Variants in B4GALT5 observed in about 807,000 individuals in gnomAD.
B4GALT5 encodes UDP-Gal:beta-GlcNAc beta-1,4-galactosyltransferase 5.
A neutral mutation model predicts 45.0 loss-of-function variants in B4GALT5; 11 were observed. The ratio of observed to expected loss-of-function variants is 0.24; its 90% CI spans 0.15 to 0.40. The LOEUF is 0.40. Ranked by LOEUF, B4GALT5 falls within the 10% of genes least tolerant of loss-of-function variation. B4GALT5 has a pLI of 1.00. For missense variants in B4GALT5, 337 were observed against 500.2 expected (o/e 0.67, Z 3.11); for synonymous variants, 185 against 182.9 (o/e 1.01, Z -0.09).
intron 1 of B4GALT5, among the ~76,000 whole-genome samples, chr20:49,700,075 T>C (rs928961790): frequency 2.0e-5 from 3 of 152,162 alleles, no homozygotes; most frequent in African/African-American, 4.8e-5. Context: ...TTGCCTCCTA[T>C]CTACCACGCC....
intron 1 of B4GALT5, among the ~76,000 whole-genome samples, chr20:49,658,532 G>A (rs933146550): frequency 1.3e-5 from 2 of 152,136 alleles, no homozygotes; most frequent in African/African-American, 4.8e-5. Flanking sequence ...AAAATCTTGT[G>A]TAAAGCTTAT....
intron 3 of B4GALT5, among the ~76,000 whole-genome samples, chr20:49,644,099 G>C (rs2085589033): frequency 6.6e-6 from 1 of 151,782 alleles, no homozygotes; most frequent in Admixed American, 6.6e-5. Flanking sequence ...AGCTAATTTT[G>C]TATTTTTAGT....
At chr20:49,705,032 C>G (rs766302645) in intron 1 of B4GALT5, among the ~76,000 whole-genome samples, 23 of 152,036 alleles carry the variant, frequency 1.5e-4, no homozygotes, top group Non-Finnish European at 2.4e-4. Context: ...GAAGGGGCAG[C>G]ACTCTAAATT....
intron 2 of B4GALT5, among the ~76,000 whole-genome samples, chr20:49,650,230 ACT>A (rs1458664180): frequency 2.0e-5 from 3 of 152,170 alleles, no homozygotes; most frequent in Non-Finnish European, 4.4e-5. Flanking sequence ...ATAATATGTC[ACT>A]GTTTTAAGAA....
chr20:49,639,643 A>G (rs1232031758), intron 7 of B4GALT5, 35 bp downstream of exon 7: 1 of 1,610,280 alleles, frequency 6.2e-7, no homozygotes, highest in Non-Finnish European at 8.5e-7. Flanking sequence ...CTAAGGTAGC[A>G]TTTCTAGAAG....
chr20:49,655,094 G>A (rs1240705090), intron 2 of B4GALT5, among the ~76,000 whole-genome samples: 1 of 151,738 alleles, frequency 6.6e-6, no homozygotes, highest in African/African-American at 2.4e-5. Flanking sequence ...TCATGCCATT[G>A]CACTCCAGCC....
chr20:49,645,033 A>G (rs1458375932), intron 3 of B4GALT5, among the ~76,000 whole-genome samples: 6 of 152,234 alleles, frequency 3.9e-5, no homozygotes, highest in Non-Finnish European at 8.8e-5. Flanking sequence ...GAGATTCAAA[A>G]AAAAGAACAA....
At chr20:49,689,580 C>T (rs6091026) in intron 1 of B4GALT5, among the ~76,000 whole-genome samples, 77,101 of 152,056 alleles carry the variant, frequency 0.51, 19,857 homozygotes, top group South Asian at 0.65. Flanking sequence ...TATTAACTTG[C>T]TTATCACAAA....
At chr20:49,680,549 A>G (rs2085759662) in intron 1 of B4GALT5, among the ~76,000 whole-genome samples, 2 of 152,220 alleles carry the variant, frequency 1.3e-5, no homozygotes, top group Admixed American at 6.5e-5. Context: ...GGTACCCAGA[A>G]TAGGTAAATT....
intron 3 of B4GALT5, among the ~76,000 whole-genome samples, chr20:49,646,110 G>A (rs970440577): frequency 6.6e-6 from 1 of 152,150 alleles, no homozygotes; most frequent in Non-Finnish European, 1.5e-5. Flanking sequence ...GAGGCAAGAG[G>A]GTTGCTTGAG....
In B4GALT5 at chr20:49,633,075, T is replaced by G. The variant is rs1984413190; in HGVS notation, c.*3237A>C. ...TGTGAAAAGTGTTTTTTAAAACATC[T>G]TTAGATTTCAGTGCAAAAATGTACC... On this transcript the variant is annotated 3_prime_UTR_variant, in exon 9 of 9. Coordinates refer to ENST00000371711, the MANE Select transcript of B4GALT5 (RefSeq NM_004776.4). 2 of 152,672 alleles carry G rather than the reference T, an allele frequency of 1.3e-5. No homozygotes were observed. The highest frequency in any genetic ancestry group is 4.1e-4 in the South Asian group (2 of 4,832). 9.5% of individuals were successfully genotyped at this position (152,672 alleles called of 1,614,324 possible). A position where few individuals can be genotyped will look rare whatever the true frequency, so the allele number is the denominator to read the frequency against.
chr20:49,637,855 C>T (rs1160210876), intron 7 of B4GALT5, among the ~76,000 whole-genome samples: 1 of 151,800 alleles, frequency 6.6e-6, no homozygotes, highest in Non-Finnish European at 1.5e-5. Flanking sequence ...AGGAGAATCA[C>T]TTGAACCCGG....
In B4GALT5 at chr20:49,694,595, C is replaced by T. The variant is rs111374032; in HGVS notation, c.115+18981G>A. On this transcript the variant is annotated intron_variant, in intron 1 of 8. Transcript: ENST00000371711. ...AAGGCTGCAATGAGGTGTGATCACA[C>T]CACTGCACTCCAGCCTTGGTGACAC... is the stretch of plus-strand genomic sequence containing the variant. 1.8e-3 allele frequency among the ~76,000 whole-genome samples: 269 copies of T among 150,678 alleles called. 1 individual carries two copies. Among genetic ancestry groups the T allele is most frequent in the African/African-American group, 6.3e-3 (257 of 40,830 alleles).
intron 1 of B4GALT5, among the ~76,000 whole-genome samples, chr20:49,693,795 G>A (rs971475848): frequency 1.3e-5 from 2 of 152,194 alleles, no homozygotes; most frequent in African/African-American, 4.8e-5. Flanking sequence ...AAGGTGCCAG[G>A]TGGACTCCAG....
At chr20:49,713,382 A>C (rs1268591671) in intron 1 of B4GALT5, among the ~76,000 whole-genome samples, 194 bp downstream of exon 1, 1 of 150,534 alleles carries the variant, frequency 6.6e-6, no homozygotes, top group Non-Finnish European at 1.5e-5. Flanking sequence ...CGGGAGAGGG[A>C]TCCCGGGCGC....
chr20:49,697,303 C>T (rs1021952434), intron 1 of B4GALT5, among the ~76,000 whole-genome samples: 1 of 152,262 alleles, frequency 6.6e-6, no homozygotes, highest in Non-Finnish European at 1.5e-5. Context: ...AGCGCAGCGG[C>T]GCCTTTGAGG....
intron 6 of B4GALT5, among the ~76,000 whole-genome samples, 187 bp from the exon 7 acceptor site, chr20:49,639,987 C>T (rs1011741262): frequency 1.3e-5 from 2 of 152,188 alleles, no homozygotes; most frequent in African/African-American, 4.8e-5. Flanking sequence ...ATATAATTGA[C>T]ATACCCATAC....
rs1037619164 is a variant in B4GALT5, at chr20:49,704,422, A to T, written c.115+9154T>A. 1.2e-4 allele frequency among the ~76,000 whole-genome samples: 18 copies of T among 152,340 alleles called. 1 individual carries two copies. The East Asian group carries it at 3.5e-3, about 29-fold the overall frequency. ...GCATACCCTGGATCCACTGACATGT[A>T]AAAACACAACATTGCGGCCGGGCGC... On this transcript the variant is annotated intron_variant, in intron 1 of 8. Transcript: ENST00000371711.
chr20:49,666,687 A>G lies in B4GALT5; in HGVS notation c.116-9985T>C, dbSNP rs555751733. Among the ~76,000 whole-genome samples, 12 of 152,346 alleles carry G rather than the reference A, an allele frequency of 7.9e-5. No homozygotes were observed. In the South Asian group the frequency reaches 2.5e-3, roughly 32 times the overall value. ...ATACAAAATACACAGATAAGACACA[A>G]TAAAAATTAAGGAAAAACAAAATGT... On this transcript the variant is annotated intron_variant, in intron 1 of 8. Transcript: ENST00000371711.
Sources: gnomAD v4.1 joint callset for allele counts (sites outside exome capture counted in the v4.1 genomes callset) on GRCh38, gnomAD v4.1.1 for gene constraint, MANE v1.5 for transcripts, NCBI Gene and HGNC (gene_info 2026-07-23, HGNC 2026-07-21) for gene names.